Variants in RIPOR2 observed in about 807,000 individuals in gnomAD.
RIPOR2 encodes rho family-interacting cell polarization regulator 2.
In RIPOR2, 39 loss-of-function variants were observed where a neutral mutation model predicts 114.5. The observed-to-expected ratio is 0.34, with a 90% confidence interval of 0.26 to 0.44. The LOEUF (loss-of-function observed/expected upper bound fraction) is 0.44. RIPOR2 is among the 20% of genes least tolerant of loss of function. The pLI, the probability that RIPOR2 is intolerant of heterozygous loss-of-function variation, is 1.00. For missense variants in RIPOR2, 1,007 were observed against 1,255.1 expected (o/e 0.80, Z 2.99); for synonymous variants, 445 against 484.4 (o/e 0.92, Z 1.07).
At chr6:24,913,712 T>A (rs1405565069) in intron 1 of RIPOR2, among the ~76,000 whole-genome samples, 1 of 152,192 alleles carries the variant, frequency 6.6e-6, no homozygotes, top group Admixed American at 6.5e-5. Context: ...CATTCTTGGG[T>A]AGTTAATTTC....
chr6:24,836,447 C>T (rs1265689076), intron 14 of RIPOR2, among the ~76,000 whole-genome samples: 2 of 152,072 alleles, frequency 1.3e-5, no homozygotes, highest in African/African-American at 4.8e-5. Context: ...TGTTTAAACC[C>T]CCTTGTTGAA....
intron 1 of RIPOR2, among the ~76,000 whole-genome samples, chr6:24,888,219 G>A (rs1423860460): frequency 6.6e-6 from 1 of 152,032 alleles, no homozygotes; most frequent in South Asian, 2.1e-4. Flanking sequence ...CACCGACCAG[G>A]GATCCTCAAT....
chr6:24,804,706 T>C lies in RIPOR2; in HGVS notation c.*1667A>G, dbSNP rs1334521233. ...TTGCACTTTGAAATGAAATGAGTCC[T>C]TTTTAAAAGTCTTGCTAAAATGTAA... On this transcript the variant is annotated 3_prime_UTR_variant, in exon 22 of 22. Transcript: ENST00000643898. The C allele has an allele frequency of 6.6e-6, 1 of 152,222 alleles. No homozygotes were observed. Among genetic ancestry groups the C allele is most frequent in the Non-Finnish European group, 1.5e-5 (1 of 68,026 alleles). 9.4% of individuals were successfully genotyped at this position (152,222 alleles called of 1,614,324 possible). A position where few individuals can be genotyped will look rare whatever the true frequency, so the allele number is the denominator to read the frequency against.
chr6:25,022,164 C>T (rs564214335), intron 1 of RIPOR2, among the ~76,000 whole-genome samples: 69 of 152,166 alleles, frequency 4.5e-4, no homozygotes, highest in African/African-American at 1.5e-3. Flanking sequence ...GTAGTGTAAC[C>T]ACCACCACAA....
intron 1 of RIPOR2, among the ~76,000 whole-genome samples, chr6:25,019,056 C>A (rs1214599468): frequency 6.6e-6 from 1 of 152,160 alleles, no homozygotes; most frequent in African/African-American, 2.4e-5. Context: ...TGTGATCAAT[C>A]TCTTTAAAAT....
chr6:24,976,419 A>G, intron 1 of RIPOR2: 2 of 1,544,816 alleles, frequency 1.3e-6, no homozygotes, highest in East Asian at 2.2e-5. Context: ...GCTATTAGCC[A>G]TGGTCAACCC....
chr6:24,872,703 T>C (rs1170656334), intron 4 of RIPOR2, among the ~76,000 whole-genome samples, 178 bp downstream of exon 4: 1 of 152,206 alleles, frequency 6.6e-6, no homozygotes, highest in Admixed American at 6.5e-5. Flanking sequence ...TTAACTAGAA[T>C]GCATTAAGAA....
At chr6:24,875,235 C>T (rs1297184880) in intron 2 of RIPOR2, among the ~76,000 whole-genome samples, 1 of 151,512 alleles carries the variant, frequency 6.6e-6, no homozygotes, top group African/African-American at 2.5e-5. Flanking sequence ...TTCTTAAGTT[C>T]CCCTAAGTCC....
At chr6:24,830,235 G>C (rs895378248) in intron 17 of RIPOR2, among the ~76,000 whole-genome samples, 1 of 152,264 alleles carries the variant, frequency 6.6e-6, no homozygotes, top group East Asian at 1.9e-4. Context: ...CAAAGTGCTG[G>C]GATAACTGAC....
chr6:24,999,977 A>G (rs1351098430), intron 1 of RIPOR2, among the ~76,000 whole-genome samples: 1 of 152,176 alleles, frequency 6.6e-6, no homozygotes, highest in Non-Finnish European at 1.5e-5. Flanking sequence ...GTGGTGAGAG[A>G]AGGTCAGCCA....
At chr6:24,922,278 G>A (rs968770022) in intron 1 of RIPOR2, among the ~76,000 whole-genome samples, 2 of 152,204 alleles carry the variant, frequency 1.3e-5, no homozygotes, top group South Asian at 4.1e-4. Context: ...TTTTTGCAGA[G>A]TTCCTAAAAC....
chr6:24,910,140 C>T (rs1008563395), intron 1 of RIPOR2, among the ~76,000 whole-genome samples: 1 of 152,206 alleles, frequency 6.6e-6, no homozygotes, highest in Non-Finnish European at 1.5e-5. Flanking sequence ...GCCACGGACT[C>T]CTGCTAGGGT....
chr6:24,921,654 C>CA (rs1261720428), intron 1 of RIPOR2, among the ~76,000 whole-genome samples: 1 of 149,858 alleles, frequency 6.7e-6, no homozygotes, highest in Non-Finnish European at 1.5e-5. Context: ...ACTTATCGCC[C>CA]CCCCCGACCC....
At chr6:24,848,667 T>C (rs1762556619) in intron 11 of RIPOR2, among the ~76,000 whole-genome samples, 1 of 152,200 alleles carries the variant, frequency 6.6e-6, no homozygotes, top group South Asian at 2.1e-4. Flanking sequence ...CTTAACATCA[T>C]GGCACCCGAT....
At chr6:24,977,359 A>C (rs1774110466) in intron 1 of RIPOR2, among the ~76,000 whole-genome samples, 1 of 152,052 alleles carries the variant, frequency 6.6e-6, no homozygotes, top group Admixed American at 6.6e-5. Context: ...AAAGGTCGAC[A>C]GGACTATGTG....
At chr6:24,928,337 T>A (rs372943833) in intron 1 of RIPOR2, among the ~76,000 whole-genome samples, 4 of 152,232 alleles carry the variant, frequency 2.6e-5, no homozygotes, top group East Asian at 1.9e-4. Context: ...TATATTTTTT[T>A]AAATACCATT....
chr6:24,972,084 T>C (rs1358883585), intron 1 of RIPOR2, among the ~76,000 whole-genome samples: 1 of 152,230 alleles, frequency 6.6e-6, no homozygotes, highest in East Asian at 1.9e-4. Context: ...CTTTACTTGA[T>C]AGAACCAAAA....
Position 25,005,737 on chromosome 6 carries a change from A to ATG in RIPOR2, c.76+36113_76+36114insCA, listed in dbSNP as rs1554130549. On this transcript the variant is annotated intron_variant, in intron 1 of 13. Transcript: ENST00000510784. ...TATATATATATATATATATATATAT[A>ATG]TATACATTTACCGATCAAAAGATAT... 4.2e-5 allele frequency among the ~76,000 whole-genome samples: 5 copies of ATG among 120,138 alleles called. 1 individual carries two copies. Among genetic ancestry groups the ATG allele is most frequent in the Non-Finnish European group, 5.4e-5 (3 of 55,434 alleles). 78.8% of individuals were successfully genotyped at this position (120,138 alleles called of 152,430 possible). A position where few individuals can be genotyped will look rare whatever the true frequency, so the allele number is the denominator to read the frequency against.
At chr6:24,966,848 T>C (rs1431863696) in intron 1 of RIPOR2, among the ~76,000 whole-genome samples, 1 of 152,242 alleles carries the variant, frequency 6.6e-6, no homozygotes, top group East Asian at 1.9e-4. Flanking sequence ...TATGCTATTA[T>C]CCTTCGAAGA....
Sources: gnomAD v4.1 joint callset for allele counts (sites outside exome capture counted in the v4.1 genomes callset) on GRCh38, gnomAD v4.1.1 for gene constraint, MANE v1.5 for transcripts, NCBI Gene and HGNC (gene_info 2026-07-23, HGNC 2026-07-21) for gene names.